The following TRPM8 variants were observed in gnomAD, a reference collection of about 807,000 sequenced individuals.
TRPM8 encodes TRPM8 cationic channel.
In TRPM8, 110 loss-of-function variants were observed where a neutral mutation model predicts 133.7. The observed-to-expected ratio is 0.82, with a 90% confidence interval of 0.70 to 0.96. The LOEUF (loss-of-function observed/expected upper bound fraction) is 0.96. Among genes scored for constraint, TRPM8 ranks in the 40% least tolerant of loss-of-function variants. The pLI, the probability that TRPM8 is intolerant of heterozygous loss-of-function variation, is 0.00. For missense variants in TRPM8, 1,291 were observed against 1,379.5 expected (o/e 0.94, Z 1.02); for synonymous variants, 535 against 532.3 (o/e 1.01, Z -0.07).
chr2:233,938,489 T>C (rs756991791), intron 4 of TRPM8, among the ~76,000 whole-genome samples: 128 of 152,364 alleles, frequency 8.4e-4, no homozygotes, highest in Admixed American at 2.9e-3. Flanking sequence ...GAGCACGGTT[T>C]GGTTTCATAC....
At chr2:233,988,484 A>G (rs891472716) in intron 21 of TRPM8, among the ~76,000 whole-genome samples, 6 of 152,114 alleles carry the variant, frequency 3.9e-5, no homozygotes, top group African/African-American at 1.4e-4. Flanking sequence ...GGTTTATTCA[A>G]TGAATGAAAA....
chr2:233,967,157 A>G (rs2125208613), intron 15 of TRPM8, among the ~76,000 whole-genome samples: 1 of 152,344 alleles, frequency 6.6e-6, no homozygotes, highest in East Asian at 1.9e-4. Flanking sequence ...GTTATTGTGA[A>G]GATTTAAGGA....
At chr2:233,976,930 C>T (rs904161115) in intron 17 of TRPM8, among the ~76,000 whole-genome samples, 24 of 152,104 alleles carry the variant, frequency 1.6e-4, no homozygotes, top group Non-Finnish European at 2.9e-5. Context: ...GATTGCTTTC[C>T]TCTAAGAAAT....
At chr2:234,006,725 A>G in intron 22 of TRPM8, 128 bp from the exon 23 acceptor site, 3 of 637,974 alleles carry the variant, frequency 4.7e-6, no homozygotes, top group Non-Finnish European at 8.2e-6. Context: ...ACATCAGTCA[A>G]ACCAGCCTGT....
chr2:233,929,457 C>T (rs1691639710), intron 2 of TRPM8, among the ~76,000 whole-genome samples: 1 of 152,166 alleles, frequency 6.6e-6, no homozygotes, highest in Non-Finnish European at 1.5e-5. Context: ...CTGGTGGTAG[C>T]CTTGCTGCAG....
intron 22 of TRPM8, among the ~76,000 whole-genome samples, chr2:234,003,180 C>T (rs974574851): frequency 1.5e-4 from 23 of 152,008 alleles, no homozygotes; most frequent in Non-Finnish European, 2.9e-4. Context: ...GCTGTGAGCC[C>T]CTGAAGTCTG....
chr2:233,972,765 C>T (rs886145146), intron 17 of TRPM8, among the ~76,000 whole-genome samples: 7 of 152,184 alleles, frequency 4.6e-5, no homozygotes, highest in South Asian at 4.1e-4. Context: ...GCTCCCAGTG[C>T]GGGGCCCGCC....
chr2:233,938,278 T>A (rs1345797024), intron 4 of TRPM8, among the ~76,000 whole-genome samples: 1 of 152,188 alleles, frequency 6.6e-6, no homozygotes, highest in Non-Finnish European at 1.5e-5. Context: ...CAGGACAAAG[T>A]CCCAGGTTCT....
In TRPM8 at chr2:233,966,602, C is replaced by T. The variant is rs199828485; in HGVS notation, c.1880-8C>T. 3.2e-5 allele frequency: 51 copies of T among 1,613,792 alleles called. No homozygotes were observed. Among genetic ancestry groups the T allele is most frequent in the Admixed American group, 5.0e-5 (3 of 59,994 alleles). ...CACCAGCTTCTCTCTGTGCTGATGT[C>T]GCTGTAGAGCTGTTCACTGAGTGTT... On this transcript the variant is annotated splice_polypyrimidine_tract_variant and splice_region_variant and intron_variant, in intron 14 of 25. Transcript: ENST00000324695.
At chr2:233,962,414 T>C (rs185979578) in intron 12 of TRPM8, among the ~76,000 whole-genome samples, 1 of 152,320 alleles carries the variant, frequency 6.6e-6, no homozygotes, top group Admixed American at 6.5e-5. Flanking sequence ...AATGCACTTT[T>C]TATGGGGTTC....
chr2:233,920,334 TA>T (rs768612088), intron 1 of TRPM8, among the ~76,000 whole-genome samples: 31 of 152,334 alleles, frequency 2.0e-4, no homozygotes, highest in Admixed American at 3.3e-4. Flanking sequence ...AAGATTCCAT[TA>T]AATTCATCAG....
chr2:233,985,942 C>T (rs373522659), intron 21 of TRPM8, 77 bp downstream of exon 21: 20 of 1,356,954 alleles, frequency 1.5e-5, no homozygotes, highest in South Asian at 1.1e-4. Flanking sequence ...CTGGGAGCAT[C>T]GCAAAGGTCC....
chr2:234,008,934 G>A (rs28902236), intron 24 of TRPM8, among the ~76,000 whole-genome samples: 4,451 of 152,194 alleles, frequency 0.029, 235 homozygotes, highest in African/African-American at 0.1. Context: ...AAAAAATCTA[G>A]GCAGTAGTTG....
rs757932817 is a variant in TRPM8 at position 233,970,436 on chromosome 2, C to G, written c.2355+10C>G. The G allele has an allele frequency of 6.2e-7, 1 of 1,612,778 alleles. No individual in the cohort carries two copies. The highest frequency in any genetic ancestry group is 1.1e-5 in the South Asian group (1 of 91,030). On this transcript the variant is annotated intron_variant, in intron 17 of 25. Coordinates refer to ENST00000324695, the MANE Select transcript of TRPM8 (RefSeq NM_024080.5). ...TGATGAAGTGAGACAGGTAGGGCTG[C>G]CATGACAGCAGGAACCCCCTCGCTT...
intron 24 of TRPM8, among the ~76,000 whole-genome samples, chr2:234,012,487 G>A (rs1461657254): frequency 6.6e-6 from 1 of 151,774 alleles, no homozygotes; most frequent in African/African-American, 2.4e-5. Context: ...GTGTGTGTGT[G>A]TGTGTGTGTG....
intron 21 of TRPM8, 94 bp from the exon 22 acceptor site, chr2:233,996,232 C>T (rs538248184): frequency 1.8e-6 from 2 of 1,115,586 alleles, no homozygotes; most frequent in Non-Finnish European, 2.6e-6. Context: ...TAAGCTATTG[C>T]AGTAATAGCT....
chr2:233,920,411 A>G lies in TRPM8; in HGVS notation c.-6+2979A>G, dbSNP rs567378463. Among the ~76,000 whole-genome samples, 6 of 152,258 alleles carry G rather than the reference A, an allele frequency of 3.9e-5. 1 individual carries two copies. The highest frequency in any genetic ancestry group is 3.3e-4 in the Admixed American group (5 of 15,290). ...ATAATTGAGATTATTGATTAAAAAC[A>G]TGAAAGCAAAGATTGACATAGTTAA... On this transcript the variant is annotated intron_variant, in intron 1 of 25. Coordinates refer to ENST00000324695, the MANE Select transcript of TRPM8 (RefSeq NM_024080.5).
Position 233,981,975 on chromosome 2 carries a change from T to A in TRPM8, c.2589+60T>A, listed in dbSNP as rs11563058. On this transcript the variant is annotated intron_variant, in intron 19 of 25. Coordinates refer to ENST00000324695, the MANE Select transcript of TRPM8 (RefSeq NM_024080.5). The stretch of plus-strand genomic sequence containing the variant: ...CTTGCGGGGCCCAGAGTTCTTTTAA[T>A]GGTCGATAGGAGGATTTTGTCCTTA... 2,273 of 1,522,658 alleles carry A rather than the reference T, an allele frequency of 1.5e-3. 26 individuals carry two copies. The African/African-American group carries it at 0.024, about 16-fold the overall frequency. 94.3% of individuals were successfully genotyped at this position (1,522,658 alleles called of 1,614,324 possible). A position where few individuals can be genotyped will look rare whatever the true frequency, so the allele number is the denominator to read the frequency against.
chr2:234,008,394 A>G (rs1424783680), intron 24 of TRPM8, among the ~76,000 whole-genome samples: 1 of 152,146 alleles, frequency 6.6e-6, no homozygotes, highest in Non-Finnish European at 1.5e-5. Flanking sequence ...GATGCTTACA[A>G]TTATAGGGAA....
Sources: gnomAD v4.1 joint callset for allele counts (sites outside exome capture counted in the v4.1 genomes callset) on GRCh38, gnomAD v4.1.1 for gene constraint, MANE v1.5 for transcripts, NCBI Gene and HGNC (gene_info 2026-07-23, HGNC 2026-07-21) for gene names.